The following AFG2A variants were observed in gnomAD, a reference collection of about 807,000 sequenced individuals.
AFG2A encodes ATPase family gene 2 protein homolog A.
chr4:122,972,944 T>A, the AFG2A span, among the ~76,000 whole-genome samples: 1 of 152,108 alleles, frequency 6.6e-6, no homozygotes, highest in African/African-American at 2.4e-5. Context: ...TGAGTTAACT[T>A]TGTTTTTCGT....
At chr4:123,184,393 A>T in the AFG2A span, among the ~76,000 whole-genome samples, 1 of 151,806 alleles carries the variant, frequency 6.6e-6, no homozygotes, top group Non-Finnish European at 1.5e-5. Context: ...TTCATGTTCC[A>T]CTCCTCATAC....
the AFG2A span, among the ~76,000 whole-genome samples, chr4:123,019,848 T>C: frequency 2.6e-5 from 4 of 152,208 alleles, no homozygotes; most frequent in African/African-American, 4.8e-5. Context: ...TTAAAATTGA[T>C]TGAATTTATT....
chr4:122,991,951 A>G, the AFG2A span, among the ~76,000 whole-genome samples: 1 of 152,170 alleles, frequency 6.6e-6, no homozygotes, highest in South Asian at 2.1e-4. Context: ...ATTTTATTGC[A>G]TACTGTTGCA....
the AFG2A span, chr4:122,933,514 A>T: frequency 4.2e-5 from 67 of 1,605,352 alleles, no homozygotes; most frequent in African/African-American, 2.7e-4. Context: ...CAAATATTTT[A>T]AATTGTTTTC....
chr4:123,158,932 A>T, the AFG2A span, among the ~76,000 whole-genome samples: 4 of 152,212 alleles, frequency 2.6e-5, no homozygotes, highest in Non-Finnish European at 5.9e-5. Context: ...GGTGATCTTA[A>T]TCTAAAATAT....
At chr4:123,006,239 T>C in the AFG2A span, among the ~76,000 whole-genome samples, 1 of 152,148 alleles carries the variant, frequency 6.6e-6, no homozygotes, top group Non-Finnish European at 1.5e-5. Context: ...TTCTGTCTTG[T>C]ATTTTTTTTG....
the AFG2A span, among the ~76,000 whole-genome samples, chr4:123,270,565 C>CT: frequency 6.6e-6 from 1 of 152,002 alleles, no homozygotes; most frequent in African/African-American, 2.4e-5. Flanking sequence ...TTTACTTATT[C>CT]TTTTTAGGTT....
chr4:123,283,158 T>A, the AFG2A span, among the ~76,000 whole-genome samples: 1 of 152,208 alleles, frequency 6.6e-6, no homozygotes, highest in East Asian at 1.9e-4. Flanking sequence ...TGGAAACTTA[T>A]GTATAATTTC....
the AFG2A span, among the ~76,000 whole-genome samples, chr4:123,121,797 G>A: frequency 3.3e-5 from 5 of 152,144 alleles, no homozygotes; most frequent in Non-Finnish European, 5.9e-5. Flanking sequence ...ATTTTGTTCT[G>A]TAACTTTCTT....
chr4:123,006,897 T>TA, the AFG2A span, among the ~76,000 whole-genome samples: 1 of 24,628 alleles, frequency 4.1e-5, no homozygotes, highest in Non-Finnish European at 1.5e-4. Context: ...GCATGCTTGT[T>TA]ATTTTTTTTT....
the AFG2A span, among the ~76,000 whole-genome samples, chr4:123,066,366 T>C: frequency 6.6e-6 from 1 of 152,178 alleles, no homozygotes; most frequent in African/African-American, 2.4e-5. Flanking sequence ...AATGTGATTT[T>C]TATGGTGGTT....
chr4:122,954,846 C>A, the AFG2A span, among the ~76,000 whole-genome samples: 1 of 152,204 alleles, frequency 6.6e-6, no homozygotes, highest in African/African-American at 2.4e-5. Flanking sequence ...TGCAACAGCT[C>A]TTCCAGACCC....
At chr4:123,036,308 A>G in the AFG2A span, among the ~76,000 whole-genome samples, 1 of 152,168 alleles carries the variant, frequency 6.6e-6, no homozygotes, top group African/African-American at 2.4e-5. Context: ...CAAAGGTGAT[A>G]AAAATTTTTA....
the AFG2A span, among the ~76,000 whole-genome samples, chr4:123,294,900 T>G: frequency 6.6e-6 from 1 of 152,234 alleles, no homozygotes; most frequent in Non-Finnish European, 1.5e-5. Context: ...AAGCTAGTCC[T>G]AGCACATTAT....
At chr4:122,934,469 T>G in the AFG2A span, 1 of 1,614,232 alleles carries the variant, frequency 6.2e-7, no homozygotes, top group Non-Finnish European at 8.5e-7. Context: ...AAATGTAATT[T>G]TGAATCTGCC....
chr4:122,963,847 A>T, the AFG2A span, among the ~76,000 whole-genome samples: 3 of 152,172 alleles, frequency 2.0e-5, no homozygotes, highest in South Asian at 2.1e-4. Flanking sequence ...TATGCTTTCC[A>T]TAAAAGAGGG....
the AFG2A span, among the ~76,000 whole-genome samples, chr4:123,146,858 G>C: frequency 6.6e-6 from 1 of 152,098 alleles, no homozygotes; most frequent in Non-Finnish European, 1.5e-5. Context: ...AGTTGCTAGG[G>C]ACATACACCT....
chr4:123,220,613 CAAAAA>C, the AFG2A span, among the ~76,000 whole-genome samples: 3 of 41,758 alleles, frequency 7.2e-5, 1 homozygote, highest in South Asian at 2.2e-3. Flanking sequence ...GACTCCAACT[CAAAAA>C]AAAAAAAAAA....
the AFG2A span, among the ~76,000 whole-genome samples, chr4:123,030,016 G>A: frequency 6.6e-6 from 1 of 152,162 alleles, no homozygotes; most frequent in African/African-American, 2.4e-5. Context: ...CTTGGTCCTT[G>A]TCCTTTTATC....
Sources: gnomAD v4.1 joint callset for allele counts (sites outside exome capture counted in the v4.1 genomes callset) on GRCh38, gnomAD v4.1.1 for gene constraint, MANE v1.5 for transcripts, NCBI Gene and HGNC (gene_info 2026-07-23, HGNC 2026-07-21) for gene names.